Variants in METTL16 observed in about 807,000 individuals in gnomAD.
METTL16 encodes RNA N(6)-adenosine-methyltransferase METTL16.
In METTL16, 19 loss-of-function variants were observed where a neutral mutation model predicts 57.9. That is an observed-to-expected ratio of 0.33 (90% CI 0.23 to 0.48). The LOEUF (loss-of-function observed/expected upper bound fraction) is 0.48. Ranked by LOEUF, METTL16 falls within the 20% of genes least tolerant of loss-of-function variation. METTL16 has a pLI of 0.99. For synonymous variants in METTL16, 246 were observed against 255.6 expected, an observed-to-expected ratio of 0.96 and a Z score of 0.36; for missense variants, 434 against 691.5, an observed-to-expected ratio of 0.63 and a Z score of 4.18.
intron 2 of METTL16, among the ~76,000 whole-genome samples, chr17:2,488,190 G>A (rs2067357742): frequency 6.6e-6 from 1 of 152,002 alleles, no homozygotes; most frequent in Non-Finnish European, 1.5e-5. Flanking sequence ...CAACCTAAAG[G>A]TCCACTGACA....
chr17:2,476,694 G>A (rs188532176), intron 3 of METTL16, among the ~76,000 whole-genome samples: 52 of 152,304 alleles, frequency 3.4e-4, no homozygotes, highest in Admixed American at 3.4e-3. Context: ...GGTGGCTCAC[G>A]CCTGTAATCC....
In METTL16 at chr17:2,506,028, C is replaced by T. The variant is rs1454027417; in HGVS notation, c.1-3697G>A. 2.6e-5 allele frequency among the ~76,000 whole-genome samples: 4 copies of T among 151,618 alleles called. No individual in the cohort carries two copies. In the South Asian group the frequency reaches 6.3e-4, roughly 24 times the overall value. The stretch of plus-strand genomic sequence containing the variant: ...CTGTCACCAGGCTGGAGTGCAGTGG[C>T]GCAATCTTGGCTCACTGCAACGTCT... On this transcript the variant is annotated intron_variant, in intron 1 of 9. Transcript: ENST00000263092.
chr17:2,476,173 A>G (rs2067267325), intron 3 of METTL16, among the ~76,000 whole-genome samples: 1 of 152,238 alleles, frequency 6.6e-6, no homozygotes, highest in African/African-American at 2.4e-5. Flanking sequence ...AAAGAGAACC[A>G]GGATTAGGGA....
intron 3 of METTL16, among the ~76,000 whole-genome samples, chr17:2,474,631 T>C (rs2067257576): frequency 6.6e-6 from 1 of 152,124 alleles, no homozygotes; most frequent in South Asian, 2.1e-4. Context: ...TAACCAAGAA[T>C]ATTGTTTTTA....
chr17:2,423,021 C>T (rs1436292238), intron 8 of METTL16, among the ~76,000 whole-genome samples: 1 of 152,014 alleles, frequency 6.6e-6, no homozygotes, highest in Non-Finnish European at 1.5e-5. Flanking sequence ...AGAAAAAACA[C>T]CAAGTCAGGT....
intron 8 of METTL16, among the ~76,000 whole-genome samples, chr17:2,435,643 A>G (rs910412399): frequency 7.9e-5 from 12 of 152,016 alleles, no homozygotes; most frequent in Non-Finnish European, 1.6e-4. Flanking sequence ...TTGGGAGTGC[A>G]TTATTAGCAG....
chr17:2,488,022 T>A (rs1177430370), intron 2 of METTL16, among the ~76,000 whole-genome samples: 1 of 150,088 alleles, frequency 6.7e-6, no homozygotes, highest in Non-Finnish European at 1.5e-5. Context: ...ATAAAATAAA[T>A]AAAATAAAAT....
chr17:2,504,436 T>A (rs1405692276), intron 1 of METTL16, among the ~76,000 whole-genome samples: 3 of 152,232 alleles, frequency 2.0e-5, no homozygotes, highest in Non-Finnish European at 2.9e-5. Flanking sequence ...TCTTTTTTTT[T>A]AAATCAAGGG....
rs2151567761 is a variant in METTL16, at chr17:2,473,552, T to C, written c.441A>G (p.Glu147=). ...TTATGAGATCAGATAAGTTATTCTG[T>C]TCCACATTTTTCTTTGCATAGTTGA... The part of the protein sequence containing the change: ...MCFNYAKKNV[E]QNNLSDLIKV... The change falls in exon 4 of 10, where the codon GAA becomes GAG. Residue 147 remains glutamate (E), a synonymous_variant. Coordinates refer to ENST00000263092, the MANE Select transcript of METTL16 (RefSeq NM_024086.4). 6.2e-7 allele frequency: 1 copy of C among 1,614,088 alleles called. No homozygotes were observed. The highest frequency in any genetic ancestry group is 8.5e-7 in the Non-Finnish European group (1 of 1,180,004).
At chr17:2,489,720 CAG>C in intron 2 of METTL16, among the ~76,000 whole-genome samples, 1 of 69,714 alleles carries the variant, frequency 1.4e-5, no homozygotes, top group South Asian at 5.1e-4. Flanking sequence ...GCCTGGATGA[CAG>C]AGCGAGACTC....
chr17:2,497,668 G>A (rs2067456389), intron 2 of METTL16, among the ~76,000 whole-genome samples: 1 of 151,676 alleles, frequency 6.6e-6, no homozygotes, highest in South Asian at 2.1e-4. Context: ...CTCAATGTTT[G>A]TGACTTGCCA....
chr17:2,455,236 G>C (rs1401164385), intron 6 of METTL16: 1 of 156,210 alleles, frequency 6.4e-6, no homozygotes, highest in Non-Finnish European at 1.4e-5. Context: ...CTATAGGCAT[G>C]CACCACCACG....
In METTL16 at chr17:2,438,195, G is replaced by A. The variant is rs1391366414; in HGVS notation, c.802C>T (p.Pro268Ser). The A allele has an allele frequency of 6.2e-7, 1 of 1,612,830 alleles. No individual in the cohort carries two copies. Among genetic ancestry groups the A allele is most frequent in the Non-Finnish European group, 8.5e-7 (1 of 1,179,034 alleles). Residue 268 changes from proline to serine, a missense_variant, in exon 8 of 10, where the codon CCC becomes TCC. Transcript: ENST00000263092. ...CAGAATTCAGTGTACGTTACTTTGG[G>A]AACCTGAAACCAACAAAGACAGCAT... ...LKEELRIQGV[P>S]KVTYTEFCQG...
intron 7 of METTL16, among the ~76,000 whole-genome samples, chr17:2,441,271 C>T (rs377226639): frequency 1.3e-5 from 2 of 152,058 alleles, no homozygotes; most frequent in African/African-American, 2.4e-5. Context: ...TATGGAATGA[C>T]GGGCAAAGGG....
chr17:2,474,180 C>T (rs1240909708), intron 3 of METTL16, among the ~76,000 whole-genome samples: 1 of 151,996 alleles, frequency 6.6e-6, no homozygotes, highest in Non-Finnish European at 1.5e-5. Flanking sequence ...TGTAAAGAGT[C>T]TTCATTTTAA....
chr17:2,484,247 A>AAATTTAT (rs1479181532), intron 2 of METTL16, among the ~76,000 whole-genome samples: 2 of 152,238 alleles, frequency 1.3e-5, no homozygotes, highest in African/African-American at 4.8e-5. Flanking sequence ...TATAAGGAAT[A>AAATTTAT]GCTATTGGTA....
chr17:2,496,525 T>C (rs2151578014), intron 2 of METTL16, among the ~76,000 whole-genome samples: 1 of 151,896 alleles, frequency 6.6e-6, no homozygotes, highest in East Asian at 1.9e-4. Flanking sequence ...TCACTGAAAG[T>C]TATTTATCCA....
At chr17:2,467,644 T>C (rs2067209770) in intron 5 of METTL16, 117 bp downstream of exon 5, 2 of 687,216 alleles carry the variant, frequency 2.9e-6, no homozygotes, top group East Asian at 2.9e-5. Flanking sequence ...GCCAGGCTGG[T>C]CTCAAACTCC....
At chr17:2,475,709 T>A (rs1411550641) in intron 3 of METTL16, among the ~76,000 whole-genome samples, 2 of 152,224 alleles carry the variant, frequency 1.3e-5, no homozygotes, top group Admixed American at 6.5e-5. Context: ...TAATAATCTT[T>A]GTAATGACAA....
Sources: gnomAD v4.1 joint callset for allele counts (sites outside exome capture counted in the v4.1 genomes callset) on GRCh38, gnomAD v4.1.1 for gene constraint, MANE v1.5 for transcripts, NCBI Gene and HGNC (gene_info 2026-07-23, HGNC 2026-07-21) for gene names.